The following ERN2 variants were observed in gnomAD, a reference collection of about 807,000 sequenced individuals.
The protein encoded by ERN2 is endoplasmic reticulum to nucleus signaling 2.
A neutral mutation model predicts 107.9 loss-of-function variants in ERN2; 111 were observed. The observed-to-expected ratio is 1.03, with a 90% CI of 0.88 to 1.20. The LOEUF is 1.20. Among genes scored for constraint, ERN2 ranks in the 50% most tolerant of loss-of-function variants. The pLI is 0.00. For synonymous variants in ERN2, 524 were observed against 501.7 expected (o/e 1.04, Z -0.59); for missense variants, 1,225 against 1,197.9 (o/e 1.02, Z -0.33).
intron 8 of ERN2, among the ~76,000 whole-genome samples, chr16:23,703,668 G>A (rs1960183869): frequency 6.6e-6 from 1 of 152,090 alleles, no homozygotes; most frequent in South Asian, 2.1e-4. Context: ...GATCCTACAA[G>A]ATCTCTTCTT....
intron 7 of ERN2, among the ~76,000 whole-genome samples, chr16:23,706,047 G>T (rs1396774856): frequency 6.6e-6 from 1 of 152,138 alleles, no homozygotes; most frequent in Non-Finnish European, 1.5e-5. Flanking sequence ...GCTGTTTGGG[G>T]TCACTCTGGA....
In ERN2 at chr16:23,707,061, G is replaced by T; in HGVS notation, c.325C>A (p.Pro109Thr). ...QGLMKLPFTI[P>T]ELVHASPCRS... ...CAGGGAGAGGCATGAACCAGCTCAG[G>T]GATGGTGAATGGCAGTTTCTAGGAG... Residue 109 changes from proline to threonine, a missense_variant, in exon 5 of 22, where the codon CCT becomes ACT. Coordinates refer to ENST00000256797, the MANE Select transcript of ERN2 (RefSeq NM_033266.4). The T allele has an allele frequency of 6.2e-7, 1 of 1,614,024 alleles. No homozygotes were observed. Among genetic ancestry groups the T allele is most frequent in the South Asian group, 1.1e-5 (1 of 91,066 alleles).
chr16:23,712,403 C>T (rs1960582673), intron 1 of ERN2: 1 of 168,340 alleles, frequency 5.9e-6, no homozygotes, highest in Non-Finnish European at 1.3e-5. Context: ...TCTGGCCACA[C>T]TGGGCTTGCA....
rs61730173 is a variant in ERN2 at position 23,695,965 on chromosome 16, G to T, written c.1539C>A (p.Thr513=). The change falls in exon 14 of 22, where the codon ACC becomes ACA. Residue 513 remains threonine, a synonymous_variant. Transcript: ENST00000256797. The stretch of plus-strand genomic sequence containing the variant: ...GATTGAAGGAAATCTTCCCCACTAC[G>T]GTGAGTTGCTCAGCTGGGGGAGAGG... ...PLDDPEAEQL[T]VVGKISFNPK... 6.2e-7 allele frequency: 1 copy of T among 1,613,832 alleles called. No homozygotes were observed. Among genetic ancestry groups the T allele is most frequent in the South Asian group, 1.1e-5 (1 of 91,080 alleles).
At chr16:23,712,954 G>T in intron 1 of ERN2, 141 bp downstream of exon 1, 1 of 624,730 alleles carries the variant, frequency 1.6e-6, no homozygotes, top group Non-Finnish European at 2.6e-6. Context: ...TTACTCCGTT[G>T]GGGCCGAGTT....
chr16:23,709,672 A>G (rs917273342), intron 4 of ERN2: 3 of 178,828 alleles, frequency 1.7e-5, no homozygotes, highest in Admixed American at 1.1e-4. Flanking sequence ...CACCTCTGCC[A>G]AAAGCCAACC....
chr16:23,696,514 CA>C (rs1959831966), intron 13 of ERN2, among the ~76,000 whole-genome samples: 1 of 152,096 alleles, frequency 6.6e-6, no homozygotes, highest in Non-Finnish European at 1.5e-5. Flanking sequence ...TGAGTATAGC[CA>C]CAGAAAAAAG....
At chr16:23,707,379 T>G (rs185409829) in intron 4 of ERN2, 6 of 392,034 alleles carry the variant, frequency 1.5e-5, no homozygotes, top group Non-Finnish European at 2.9e-5. Context: ...CAAGGTATCA[T>G]GTGAGCCACT....
intron 8 of ERN2, among the ~76,000 whole-genome samples, chr16:23,703,758 A>G (rs550436094): frequency 6.6e-6 from 1 of 152,104 alleles, no homozygotes; most frequent in South Asian, 2.1e-4. Flanking sequence ...CCTGAATTCT[A>G]TGCTCTCTCA....
At chr16:23,692,488 C>T (rs963907221) in intron 17 of ERN2, among the ~76,000 whole-genome samples, 157 bp from the exon 18 acceptor site, 4 of 152,072 alleles carry the variant, frequency 2.6e-5, no homozygotes, top group African/African-American at 9.7e-5. Context: ...TAGATCCCTC[C>T]CCTCTACACT....
Position 23,695,879 on chromosome 16 carries a change from C to T in ERN2, c.1610+15G>A. ...GAGTGCCATGTCCCCAGCTTGGCTC[C>T]TGGCTGCCACTCACCGGAAAACGAA... On this transcript the variant is annotated intron_variant, in intron 14 of 21. Coordinates refer to ENST00000256797, the MANE Select transcript of ERN2 (RefSeq NM_033266.4). The T allele has an allele frequency of 6.2e-7, 1 of 1,610,300 alleles. No individual in the cohort carries two copies. The highest frequency in any genetic ancestry group is 8.5e-7 in the Non-Finnish European group (1 of 1,176,778).
rs1231238339 is a variant in ERN2, at chr16:23,694,120, C to G, written c.2100+608G>C. 2.0e-5 allele frequency among the ~76,000 whole-genome samples: 3 copies of G among 152,096 alleles called. No individual in the cohort carries two copies. The East Asian group carries it at 5.8e-4, about 29-fold the overall frequency. On this transcript the variant is annotated intron_variant, in intron 17 of 21. Coordinates refer to ENST00000256797, the MANE Select transcript of ERN2 (RefSeq NM_033266.4). ...AAGCGATCCTCCCACCTCAGCCTCC[C>G]AAGTAGCTGGGACCACAGATGCACA... is the stretch of plus-strand genomic sequence containing the variant.
In ERN2 at chr16:23,705,165, T is replaced by C. The variant is rs1960252169; in HGVS notation, c.590-18A>G. The C allele has an allele frequency of 6.2e-7, 1 of 1,608,468 alleles. No individual in the cohort carries two copies. The highest frequency in any genetic ancestry group is 8.5e-7 in the Non-Finnish European group (1 of 1,175,544). On this transcript the variant is annotated intron_variant, in intron 7 of 21. Coordinates refer to ENST00000256797, the MANE Select transcript of ERN2 (RefSeq NM_033266.4). ...GCTCATGTCTGCCGAGAAAGGTGGCTGGGGAGATGTGGTTGGAAGCTCTCC... is the reference window on the plus strand; with the variant it reads ...GCTCATGTCTGCCGAGAAAGGTGGCCGGGGAGATGTGGTTGGAAGCTCTCC...
chr16:23,690,997 C>T lies in ERN2; in HGVS notation c.2615G>A (p.Gly872Asp), dbSNP rs866575637. The T allele has an allele frequency of 1.2e-6, 2 of 1,614,146 alleles. No individual in the cohort carries two copies. Residue 872 changes from glycine (G) to aspartate (D), a missense_variant, in exon 22 of 22, where the codon GGC becomes GAC. Physicochemically the swap from Gly to Asp is moderately conservative, Grantham distance 94. Transcript: ENST00000256797. ...CTGGACGAAGCCATCAGGGACTTGG[C>T]CGAGTGCCTGTCGCACCTCAACTGG... ...ELPVEVRQALGQVPDGFVQYF... is the reference protein window; with the variant it reads ...ELPVEVRQALDQVPDGFVQYF...
At chr16:23,692,706 G>A (rs917849117) in intron 17 of ERN2, among the ~76,000 whole-genome samples, 4 of 151,514 alleles carry the variant, frequency 2.6e-5, no homozygotes, top group Non-Finnish European at 5.9e-5. Flanking sequence ...GTCACCAGGG[G>A]ACTCTCCAGG....
chr16:23,691,818 T>A (rs763658991), intron 19 of ERN2, 145 bp downstream of exon 19: 15 of 1,168,852 alleles, frequency 1.3e-5, no homozygotes, highest in Non-Finnish European at 1.8e-5. Flanking sequence ...GAGTCCAGGC[T>A]GGCTCCCAGT....
intron 12 of ERN2, 61 bp from the exon 13 acceptor site, chr16:23,700,765 A>T (rs907369374): frequency 6.5e-7 from 1 of 1,540,650 alleles, no homozygotes; most frequent in Non-Finnish European, 8.8e-7. Flanking sequence ...TGATGGGCCC[A>T]GTATCTGTGA....
chr16:23,713,108 G>A lies in ERN2; in HGVS notation c.80C>T (p.Thr27Met), dbSNP rs1209540279. The change falls in exon 1 of 22, where the codon ACG (threonine) becomes ATG (methionine). Residue 27 changes from threonine to methionine, a missense_variant. Physicochemically the swap from Thr to Met is moderately conservative, Grantham distance 81. Transcript: ENST00000256797. ...QLQFAALLLG[T>M]LSPQVHTLRP... Reference sequence around the variant, plus strand: ...CCTGGCTCTCACCTGTGGACTCAGCGTCCCGAGCAGCAGCGCCGCGAACTG... The same window carrying A: ...CCTGGCTCTCACCTGTGGACTCAGCATCCCGAGCAGCAGCGCCGCGAACTG... 1.3e-6 allele frequency: 2 copies of A among 1,576,874 alleles called. No homozygotes were observed. The highest frequency in any genetic ancestry group is 1.2e-5 in the South Asian group (1 of 86,308).
Position 23,692,164 on chromosome 16 carries a change from C to T in ERN2, c.2248+20G>A. On this transcript the variant is annotated intron_variant, in intron 18 of 21. Transcript: ENST00000256797. ...GTCTTGCCCGTCCTCCCTTCTCTGC[C>T]CTGCCCAGGGCTCCCTCACCGTGGA... The T allele has an allele frequency of 6.2e-7, 1 of 1,614,020 alleles. No homozygotes were observed. Among genetic ancestry groups the T allele is most frequent in the Non-Finnish European group, 8.5e-7 (1 of 1,180,016 alleles).
Sources: gnomAD v4.1 joint callset for allele counts (sites outside exome capture counted in the v4.1 genomes callset) on GRCh38, gnomAD v4.1.1 for gene constraint, MANE v1.5 for transcripts, NCBI Gene and HGNC (gene_info 2026-07-23, HGNC 2026-07-21) for gene names.